Variants in ZNF423 observed in about 807,000 individuals in gnomAD.
The protein encoded by ZNF423 is zinc finger protein 423, also known as Ebf-associated zinc finger protein.
In ZNF423, 12 loss-of-function variants were observed where a neutral mutation model predicts 95.8. The observed-to-expected ratio is 0.13, with a 90% CI of 0.08 to 0.20. The LOEUF is 0.20. Ranked by LOEUF, ZNF423 falls within the 10% of genes least tolerant of loss-of-function variation. The pLI is 1.00. For missense variants in ZNF423, 1,316 were observed against 1,737.1 expected (o/e 0.76, Z 4.31); for synonymous variants, 749 against 711.9 (o/e 1.05, Z -0.83).
At chr16:49,494,618 T>C (rs1020870747) in intron 7 of ZNF423, among the ~76,000 whole-genome samples, 1 of 152,164 alleles carries the variant, frequency 6.6e-6, no homozygotes, top group Non-Finnish European at 1.5e-5. Flanking sequence ...GTGATGGTGG[T>C]GGGGAGCCCA....
chr16:49,777,575 C>A (rs529119876), intron 2 of ZNF423, among the ~76,000 whole-genome samples: 10 of 152,218 alleles, frequency 6.6e-5, no homozygotes, highest in Non-Finnish European at 1.3e-4. Flanking sequence ...AGTGGTGTGT[C>A]GCTGCAATGA....
chr16:49,556,159 A>G (rs57909922), intron 5 of ZNF423, among the ~76,000 whole-genome samples: 35,674 of 152,058 alleles, frequency 0.23, 5,401 homozygotes, highest in African/African-American at 0.43. Flanking sequence ...GACAGTAGAG[A>G]ATTTAAAGGG....
intron 6 of ZNF423, 47 bp downstream of exon 6, chr16:49,525,316 C>T (rs747448024): frequency 1.2e-6 from 2 of 1,607,152 alleles, no homozygotes. Flanking sequence ...GGGCAGGGCT[C>T]CTGTGTTCAT....
At chr16:49,564,342 T>A (rs1970115603) in intron 5 of ZNF423, among the ~76,000 whole-genome samples, 2 of 152,054 alleles carry the variant, frequency 1.3e-5, no homozygotes, top group Non-Finnish European at 2.9e-5. Flanking sequence ...TATTTCCAGA[T>A]CTCTCTTTTG....
At chr16:49,611,430 T>C (rs925451672) in intron 5 of ZNF423, among the ~76,000 whole-genome samples, 1 of 152,038 alleles carries the variant, frequency 6.6e-6, no homozygotes, top group Non-Finnish European at 1.5e-5. Flanking sequence ...CATGGGAATT[T>C]TTTAATACAC....
intron 7 of ZNF423, chr16:49,518,467 T>G: frequency 2.3e-6 from 1 of 435,804 alleles, no homozygotes; most frequent in Non-Finnish European, 4.5e-6. Context: ...CAAATAACTG[T>G]GCGCACTGTC....
At chr16:49,820,074 A>G (rs532382518) in intron 1 of ZNF423, among the ~76,000 whole-genome samples, 1 of 149,650 alleles carries the variant, frequency 6.7e-6, no homozygotes, top group Non-Finnish European at 1.5e-5. Context: ...GGATGGATGC[A>G]TGGATGGATG....
At chr16:49,579,200 A>C (rs990797919) in intron 5 of ZNF423, among the ~76,000 whole-genome samples, 3 of 151,964 alleles carry the variant, frequency 2.0e-5, no homozygotes, top group African/African-American at 7.3e-5. Context: ...CTGTCCAAGC[A>C]ATTACTCCCT....
At chr16:49,551,838 C>T (rs1478487840) in intron 5 of ZNF423, among the ~76,000 whole-genome samples, 3 of 152,154 alleles carry the variant, frequency 2.0e-5, no homozygotes, top group Non-Finnish European at 4.4e-5. Flanking sequence ...AGGCATCTGA[C>T]ATGGATGGAA....
intron 1 of ZNF423, among the ~76,000 whole-genome samples, chr16:49,805,991 C>T (rs1365531782): frequency 2.0e-5 from 3 of 152,240 alleles, no homozygotes; most frequent in Admixed American, 1.3e-4. Flanking sequence ...CCCGGCCTCC[C>T]GGGCTGCCCT....
intron 1 of ZNF423, among the ~76,000 whole-genome samples, chr16:49,828,541 C>G (rs983320366): frequency 5.9e-5 from 9 of 152,216 alleles, no homozygotes; most frequent in African/African-American, 2.2e-4. Context: ...CTAAAAGCAA[C>G]AGCAGGGGCC....
At chr16:49,506,852 G>A (rs1241866098) in intron 7 of ZNF423, among the ~76,000 whole-genome samples, 1 of 151,918 alleles carries the variant, frequency 6.6e-6, no homozygotes, top group Non-Finnish European at 1.5e-5. Flanking sequence ...TGGATGGATG[G>A]GTGGATGGAT....
intron 1 of ZNF423, among the ~76,000 whole-genome samples, chr16:49,815,992 C>T (rs1404046572): frequency 1.4e-5 from 2 of 141,334 alleles, no homozygotes; most frequent in Non-Finnish European, 3.0e-5. Context: ...AATCTCAGCT[C>T]ACCGCAAACT....
chr16:49,685,569 T>C (rs925025617), intron 3 of ZNF423, among the ~76,000 whole-genome samples: 7 of 152,158 alleles, frequency 4.6e-5, no homozygotes, highest in Non-Finnish European at 1.0e-4. Flanking sequence ...ACCCCTCTGT[T>C]CACCTCGATG....
At chr16:49,649,561 C>T (rs1282469115) in intron 3 of ZNF423, among the ~76,000 whole-genome samples, 2 of 151,892 alleles carry the variant, frequency 1.3e-5, no homozygotes, top group East Asian at 1.9e-4. Context: ...TTTCTATGCT[C>T]TTATCTGTCC....
rs2030769971 is a variant in ZNF423 at position 49,670,767 on chromosome 16, T to C, written c.302-31893A>G. On this transcript the variant is annotated intron_variant, in intron 3 of 7. Transcript: ENST00000563137. ...GGCTACAATTAATCTGAAGCAGGGA[T>C]TTTCTTAATTGCTGGGTTTTACAAC... is the stretch of plus-strand genomic sequence containing the variant. 1.3e-5 allele frequency among the ~76,000 whole-genome samples: 2 copies of C among 152,218 alleles called. 1 individual carries two copies.
intron 7 of ZNF423, among the ~76,000 whole-genome samples, chr16:49,494,072 G>A (rs1344731116): frequency 6.6e-6 from 1 of 152,214 alleles, no homozygotes; most frequent in African/African-American, 2.4e-5. Context: ...AACAGGCTCA[G>A]TGTGACACAC....
At chr16:49,537,281 C>T (rs1969085991) in intron 5 of ZNF423, among the ~76,000 whole-genome samples, 1 of 152,130 alleles carries the variant, frequency 6.6e-6, no homozygotes, top group Non-Finnish European at 1.5e-5. Flanking sequence ...AGTCAAGAAG[C>T]CCACCGGCCA....
rs1209499670 is a variant in ZNF423, at chr16:49,603,635, C to T, written c.3601+22535G>A. 1.3e-5 allele frequency among the ~76,000 whole-genome samples: 2 copies of T among 152,186 alleles called. No homozygotes were observed. The highest frequency in any genetic ancestry group is 2.9e-5 in the Non-Finnish European group (2 of 68,020). On this transcript the variant is annotated intron_variant, in intron 5 of 7. Coordinates refer to ENST00000563137, the MANE Select transcript of ZNF423 (RefSeq NM_001379286.1). The surrounding 1 kb of genome is among the most constrained non-coding windows in gnomAD (Gnocchi z 4.1). Reference sequence around the variant, plus strand: ...ATGTTGGCCAGGCTGGTCTCGAACTCCTGATCTCAGGTGATCCGCCCACCT... The same window carrying T: ...ATGTTGGCCAGGCTGGTCTCGAACTTCTGATCTCAGGTGATCCGCCCACCT...
Sources: allele counts gnomAD v4.1 joint callset (sites outside exome capture counted in the v4.1 genomes callset), GRCh38; gene constraint gnomAD v4.1.1; non-coding constraint Gnocchi (gnomAD v3.1); transcripts MANE v1.5; gene names NCBI Gene and HGNC (gene_info 2026-07-23, HGNC 2026-07-21).